Variants in RNF8 observed in about 807,000 individuals in gnomAD.
The protein encoded by RNF8 is ring finger protein 8.
A neutral mutation model predicts 59.3 loss-of-function variants in RNF8; 8 were observed. The ratio of observed to expected loss-of-function variants is 0.13; its 90% CI spans 0.08 to 0.24. RNF8 has a LOEUF of 0.24. Ranked by LOEUF, RNF8 falls within the 10% of genes least tolerant of loss-of-function variation. RNF8 has a pLI of 1.00. For synonymous variants in RNF8, 162 were observed against 200.0 expected (o/e 0.81, Z 1.60); for missense variants, 406 against 572.6 (o/e 0.71, Z 2.97).
intron 3 of RNF8, among the ~76,000 whole-genome samples, chr6:37,371,200 G>A (rs570771506): frequency 6.6e-6 from 1 of 152,278 alleles, no homozygotes; most frequent in South Asian, 2.1e-4. Flanking sequence ...GAAGTTCTCA[G>A]TTTACATCCT....
chr6:37,375,854 G>C (rs983619204), intron 5 of RNF8, among the ~76,000 whole-genome samples: 2 of 152,178 alleles, frequency 1.3e-5, no homozygotes, highest in African/African-American at 4.8e-5. Flanking sequence ...TGTTTTGGGG[G>C]TGAAGTGCTA....
intron 4 of RNF8, among the ~76,000 whole-genome samples, chr6:37,374,304 C>T (rs575827494): frequency 6.6e-6 from 1 of 152,210 alleles, no homozygotes; most frequent in East Asian, 1.9e-4. Flanking sequence ...TTCTGGGCTC[C>T]AAGCCAAACC....
At chr6:37,379,572 A>G (rs935399907) in intron 6 of RNF8, among the ~76,000 whole-genome samples, 3 of 152,188 alleles carry the variant, frequency 2.0e-5, no homozygotes, top group African/African-American at 7.2e-5. Flanking sequence ...GCAGAAATTG[A>G]CCAGAGGGAT....
intron 7 of RNF8, among the ~76,000 whole-genome samples, chr6:37,390,105 C>G (rs924961313): frequency 2.6e-5 from 4 of 152,232 alleles, no homozygotes; most frequent in South Asian, 4.1e-4. Flanking sequence ...GGAAGAATTC[C>G]CGCCTCTCCC....
intron 7 of RNF8, among the ~76,000 whole-genome samples, chr6:37,384,002 A>G (rs867729116): frequency 1.9e-4 from 29 of 151,796 alleles, no homozygotes; most frequent in African/African-American, 6.5e-4. Flanking sequence ...TGCTTTTCCT[A>G]GCGGTTTCTT....
At chr6:37,374,332 G>A (rs1769927217) in intron 4 of RNF8, among the ~76,000 whole-genome samples, 1 of 152,138 alleles carries the variant, frequency 6.6e-6, no homozygotes, top group African/African-American at 2.4e-5. Context: ...GCAGACTCTG[G>A]GACACAGTGA....
chr6:37,388,582 G>A (rs2113836125), intron 7 of RNF8, among the ~76,000 whole-genome samples: 1 of 152,288 alleles, frequency 6.6e-6, no homozygotes, highest in Non-Finnish European at 1.5e-5. Flanking sequence ...AGTAGTAGAA[G>A]AGGGGCCTGC....
In RNF8 at chr6:37,360,976, G is replaced by A. The variant is rs1224416193; in HGVS notation, c.240+402G>A. Among the ~76,000 whole-genome samples, 1 of 152,120 alleles carries A rather than the reference G, an allele frequency of 6.6e-6. No homozygotes were observed. Among genetic ancestry groups the A allele is most frequent in the Non-Finnish European group, 1.5e-5 (1 of 68,038 alleles). ...AGGAGGGAGAAACTGATCTGATTGC[G>A]CTTAGCTCCTTTCCTTCCTCACTCC... is the stretch of plus-strand genomic sequence containing the variant. On this transcript the variant is annotated intron_variant, in intron 2 of 7. Transcript: ENST00000373479. This position sits in a 1 kb window ranked among gnomAD's most constrained non-coding sequence, Gnocchi z 4.2.
At chr6:37,385,118 A>G (rs1036272089) in intron 7 of RNF8, among the ~76,000 whole-genome samples, 2 of 151,736 alleles carry the variant, frequency 1.3e-5, no homozygotes, top group Non-Finnish European at 2.9e-5. Context: ...GGTTCAAGCA[A>G]TTCTTCTGCC....
intron 2 of RNF8, chr6:37,361,230 C>T (rs1769309581): frequency 4.4e-6 from 2 of 454,494 alleles, no homozygotes; most frequent in Non-Finnish European, 8.8e-6. Flanking sequence ...ACTGGAGAAG[C>T]TGAGGCCAGA....
intron 4 of RNF8, 70 bp from the exon 5 acceptor site, chr6:37,374,550 G>T (rs1398387797): frequency 8.8e-7 from 1 of 1,133,380 alleles, no homozygotes; most frequent in Non-Finnish European, 1.3e-6. Flanking sequence ...GAGAGAACAG[G>T]CATGTTTGTG....
rs992274903 is a variant in RNF8, at chr6:37,391,562, A to G, written c.*804A>G. On this transcript the variant is annotated 3_prime_UTR_variant, in exon 8 of 8. Transcript: ENST00000373479. ...ATCTGACGTCATGAACACACAGGCA[A>G]TGATTTTATGACAACTTGATGTGCT... The G allele has an allele frequency of 2.6e-5, 4 of 152,218 alleles. No homozygotes were observed. Among genetic ancestry groups the G allele is most frequent in the African/African-American group, 4.8e-5 (2 of 41,458 alleles). 9.4% of individuals were successfully genotyped at this position (152,218 alleles called of 1,614,324 possible). A position where few individuals can be genotyped will look rare whatever the true frequency, so the allele number is the denominator to read the frequency against.
At chr6:37,367,529 A>G (rs1008332498) in intron 2 of RNF8, among the ~76,000 whole-genome samples, 3 of 151,948 alleles carry the variant, frequency 2.0e-5, no homozygotes, top group Non-Finnish European at 4.4e-5. Flanking sequence ...TTGGCCTCCC[A>G]AGTAGCTGGG....
chr6:37,356,893 T>A (rs1769138981), intron 1 of RNF8, among the ~76,000 whole-genome samples: 1 of 152,172 alleles, frequency 6.6e-6, no homozygotes, highest in African/African-American at 2.4e-5. Flanking sequence ...TATGCACCAC[T>A]ATGCCCAGTT....
At chr6:37,359,974 A>T (rs1485495023) in intron 1 of RNF8, among the ~76,000 whole-genome samples, 1 of 152,236 alleles carries the variant, frequency 6.6e-6, no homozygotes, top group Admixed American at 6.5e-5. Flanking sequence ...TTCACTTTAT[A>T]TCTGTGCCAT....
chr6:37,354,163 C>A lies in RNF8; in HGVS notation c.-2C>A. The A allele has an allele frequency of 6.4e-7, 1 of 1,571,362 alleles. No individual in the cohort carries two copies. Among genetic ancestry groups the A allele is most frequent in the South Asian group, 1.2e-5 (1 of 85,412 alleles). ...CTGACCGCCCCCGGGGTCGAGTAGG[C>A]GATGGGGGAGCCCGGCTTCTTCGTC... On this transcript the variant is annotated 5_prime_UTR_variant, in exon 1 of 8. Transcript: ENST00000373479.
At chr6:37,374,449 G>A (rs530178821) in intron 4 of RNF8, among the ~76,000 whole-genome samples, 171 bp from the exon 5 acceptor site, 1 of 152,294 alleles carries the variant, frequency 6.6e-6, no homozygotes, top group Admixed American at 6.5e-5. Context: ...GAAAAAAGCA[G>A]CAGGTAGGTA....
intron 2 of RNF8, among the ~76,000 whole-genome samples, chr6:37,362,408 G>T (rs1769361021): frequency 6.6e-6 from 1 of 152,204 alleles, no homozygotes; most frequent in Non-Finnish European, 1.5e-5. Flanking sequence ...TAGGGTTGCT[G>T]TTATCATATG....
At chr6:37,377,061 C>CTTTTTTTTTTTTTT (rs35985063) in intron 6 of RNF8, 28 bp downstream of exon 6, 1 of 233,176 alleles carries the variant, frequency 4.3e-6, no homozygotes, top group Non-Finnish European at 8.4e-6. Flanking sequence ...CTCACCCCTT[C>CTTTTTTTTTTTTTT]TTTTTTTTTT....
Sources: allele counts gnomAD v4.1 joint callset (sites outside exome capture counted in the v4.1 genomes callset), GRCh38; gene constraint gnomAD v4.1.1; non-coding constraint Gnocchi (gnomAD v3.1); transcripts MANE v1.5; gene names NCBI Gene and HGNC (gene_info 2026-07-23, HGNC 2026-07-21).